The following CUX1 variants were observed in gnomAD, a reference collection of about 807,000 sequenced individuals.
CUX1 encodes cut like homeobox 1, also known as protein CASP.
CUX1 carries 31 observed loss-of-function variants against 158.8 expected under a neutral mutation model. That is an observed-to-expected ratio of 0.20 (90% CI 0.15 to 0.26). The LOEUF (loss-of-function observed/expected upper bound fraction) is 0.26. Ranked by LOEUF, CUX1 falls within the 10% of genes least tolerant of loss-of-function variation. CUX1 has a pLI of 1.00. For synonymous variants in CUX1, 879 were observed against 862.1 expected, an observed-to-expected ratio of 1.02 and a Z score of -0.34; for missense variants, 1,589 against 2,014.6, an observed-to-expected ratio of 0.79 and a Z score of 4.04.
At chr7:102,235,009 G>A (rs1418942875) in intron 22 of CUX1, among the ~76,000 whole-genome samples, 1 of 152,134 alleles carries the variant, frequency 6.6e-6, no homozygotes, top group African/African-American at 2.4e-5. Flanking sequence ...CCTGGAAAGT[G>A]ACAAAGCAAA....
chr7:101,913,897 G>A (rs763418093), intron 1 of CUX1, among the ~76,000 whole-genome samples: 10 of 151,328 alleles, frequency 6.6e-5, no homozygotes, highest in East Asian at 1.9e-4. Context: ...GCCTTCTTTC[G>A]AAGGCTCCTT....
chr7:102,187,643 A>C (rs1793773758), intron 11 of CUX1, among the ~76,000 whole-genome samples: 1 of 150,842 alleles, frequency 6.6e-6, no homozygotes, highest in African/African-American at 2.4e-5. Context: ...TATGCACGCT[A>C]AATTTAGACC....
In CUX1 at chr7:102,111,772, C is replaced by A. The variant is rs1554490175; in HGVS notation, c.605C>A (p.Thr202Lys). The A allele has an allele frequency of 1.2e-6, 2 of 1,613,882 alleles. No homozygotes were observed. Among genetic ancestry groups the A allele is most frequent in the Non-Finnish European group, 1.7e-6 (2 of 1,179,730 alleles). The change falls in exon 7 of 24, where the codon ACA becomes AAA. Residue 202 changes from threonine (T) to lysine (K), a missense_variant and splice_region_variant. By Grantham distance (78) the Thr-to-Lys change is moderately conservative. Transcript: ENST00000292535. ...EAEHKVQSLQTALEKTRTELF... is the reference protein window; with the variant it reads ...EAEHKVQSLQKALEKTRTELF... ...GAGCATAAGGTTCAGAGCCTACAAA[C>A]AGGTTTGATACTCTCCTTCCTAGTA...
chr7:102,266,315 G>T (rs1273762790), intron 14 of CUX1, among the ~76,000 whole-genome samples: 1 of 151,850 alleles, frequency 6.6e-6, no homozygotes, highest in Non-Finnish European at 1.5e-5. Flanking sequence ...CCGAAGGGTC[G>T]CAGAGAGCTG....
At chr7:102,013,756 G>A (rs555865278) in intron 2 of CUX1, among the ~76,000 whole-genome samples, 7 of 152,300 alleles carry the variant, frequency 4.6e-5, no homozygotes, top group African/African-American at 1.7e-4. Context: ...CCAGGCTGGA[G>A]TGCAGTGGCA....
At chr7:101,925,745 A>G (rs971529720) in intron 2 of CUX1, among the ~76,000 whole-genome samples, 8 of 152,152 alleles carry the variant, frequency 5.3e-5, no homozygotes, top group African/African-American at 1.9e-4. Context: ...CAGCCTGGGC[A>G]ATATAGTGAG....
At chr7:102,022,497 A>G (rs1488609054) in intron 2 of CUX1, among the ~76,000 whole-genome samples, 1 of 152,036 alleles carries the variant, frequency 6.6e-6, no homozygotes, top group Non-Finnish European at 1.5e-5. Flanking sequence ...GCATGCCTCT[A>G]GTTCCAGCTG....
intron 2 of CUX1, among the ~76,000 whole-genome samples, chr7:101,938,586 A>G (rs930520632): frequency 6.6e-6 from 1 of 152,148 alleles, no homozygotes; most frequent in African/African-American, 2.4e-5. Context: ...ACAACCACAT[A>G]TAGTCATGTG....
intron 2 of CUX1, among the ~76,000 whole-genome samples, chr7:101,951,871 G>A (rs1325263566): frequency 2.0e-5 from 3 of 152,344 alleles, no homozygotes; most frequent in Non-Finnish European, 2.9e-5. Flanking sequence ...GAACCAGATG[G>A]TAAAATACTG....
intron 11 of CUX1, among the ~76,000 whole-genome samples, chr7:102,183,693 C>T (rs886130197): frequency 1.1e-4 from 16 of 152,280 alleles, no homozygotes; most frequent in Middle Eastern, 3.4e-3. Flanking sequence ...CCCGTGAGAC[C>T]GAAGACTCCC....
intron 11 of CUX1, among the ~76,000 whole-genome samples, chr7:102,180,900 TATTTTATTTTATTTTATTGTA>T (rs1447915701): frequency 5.7e-5 from 5 of 88,126 alleles, no homozygotes; most frequent in African/African-American, 2.8e-4. Context: ...TTTAAATTTT[TATTTTATTTTATTTTATTGTA>T]TTTTATTTTA....
At chr7:101,949,541 T>C (rs1234601566) in intron 2 of CUX1, among the ~76,000 whole-genome samples, 1 of 142,150 alleles carries the variant, frequency 7.0e-6, no homozygotes, top group African/African-American at 2.6e-5. Context: ...CTTCCTTTTT[T>C]TTTCTTTGAG....
chr7:102,063,474 G>A (rs12540846), intron 3 of CUX1, among the ~76,000 whole-genome samples: 21,763 of 142,470 alleles, frequency 0.15, 1,662 homozygotes, highest in Middle Eastern at 0.22. Context: ...CTGCAAGCGC[G>A]GCCTCCCGAG....
At position 102,239,385 on chromosome 7, in the gene CUX1, ACCGAGTACAGC is replaced by A; in HGVS notation, c.3690_3700del (p.Glu1231GlyfsTer72). ...GCCCTGCGAACCGCCCTCTGTCGGC[ACCGAGTACAGC>A]CAGGGCGCCAGCCCCCAGCCCCAGC... On this transcript the variant is annotated frameshift_variant, in exon 23 of 24. Coordinates refer to ENST00000292535, the MANE Select transcript of CUX1 (RefSeq NM_181552.4). LOFTEE classifies it high-confidence loss of function. The A allele has an allele frequency of 6.2e-7, 1 of 1,613,330 alleles. No homozygotes were observed.
rs1801559571 is a variant in CUX1 at position 102,251,915 on chromosome 7, A to G, written c.*2873A>G. The G allele has an allele frequency of 1.2e-5, 12 of 985,440 alleles. No homozygotes were observed. Among genetic ancestry groups the G allele is most frequent in the Non-Finnish European group, 1.4e-5 (12 of 829,926 alleles). 61.0% of individuals were successfully genotyped at this position (985,440 alleles called of 1,614,324 possible). On this transcript the variant is annotated 3_prime_UTR_variant, in exon 24 of 24. Transcript: ENST00000292535. The stretch of plus-strand genomic sequence containing the variant: ...TCCATTCTAGTGGCCAAACAGTAAC[A>G]GTCTAAAATGCAGTCATTTTGACCC...
chr7:101,840,051 C>G (rs1431995261), intron 1 of CUX1, among the ~76,000 whole-genome samples: 2 of 152,228 alleles, frequency 1.3e-5, no homozygotes, highest in Admixed American at 6.5e-5. Context: ...CGTAAGCCAC[C>G]ACGCTGGCCG....
intron 2 of CUX1, among the ~76,000 whole-genome samples, chr7:101,999,230 T>TTTTC (rs1319770395): frequency 6.9e-6 from 1 of 144,774 alleles, no homozygotes; most frequent in East Asian, 2.1e-4. Flanking sequence ...TTTTTTTTTT[T>TTTTC]TTTTTTTTTT....
chr7:102,117,614 C>G (rs1403526757), intron 8 of CUX1, among the ~76,000 whole-genome samples: 1 of 152,084 alleles, frequency 6.6e-6, no homozygotes, highest in Non-Finnish European at 1.5e-5. Flanking sequence ...CTTAACTGAT[C>G]CCCTCTCTCC....
chr7:101,933,747 A>G (rs1300927356), intron 2 of CUX1, among the ~76,000 whole-genome samples: 2 of 152,240 alleles, frequency 1.3e-5, no homozygotes, highest in Non-Finnish European at 2.9e-5. Context: ...GTACTTGAAC[A>G]GAAATAGCAG....
Sources: allele counts gnomAD v4.1 joint callset (sites outside exome capture counted in the v4.1 genomes callset), GRCh38; gene constraint gnomAD v4.1.1; transcripts MANE v1.5; gene names NCBI Gene and HGNC (gene_info 2026-07-23, HGNC 2026-07-21).